Variants in ATP8A2 observed in about 807,000 individuals in gnomAD.
ATP8A2 encodes ATPase phospholipid transporting 8A2, also known as phospholipid-transporting ATPase IB.
ATP8A2 carries 100 observed loss-of-function variants against 165.6 expected under a neutral mutation model. That is an observed-to-expected ratio of 0.60 (90% CI 0.51 to 0.71). The LOEUF (loss-of-function observed/expected upper bound fraction) is 0.71. Ranked by LOEUF, ATP8A2 falls within the 30% of genes least tolerant of loss-of-function variation. The probability of loss-of-function intolerance (pLI) is 0.00; values close to 1 mark genes in which losing one functional copy is unlikely to be tolerated. For missense variants in ATP8A2, 1,227 were observed against 1,479.5 expected (o/e 0.83, Z 2.80); for synonymous variants, 543 against 548.8 (o/e 0.99, Z 0.15).
chr13:25,435,169 G>A (rs535802580), intron 1 of ATP8A2, among the ~76,000 whole-genome samples: 9 of 149,522 alleles, frequency 6.0e-5, no homozygotes, highest in African/African-American at 9.9e-5. Context: ...TGCCCAGGCC[G>A]GAGTGCAGTG....
At chr13:25,965,384 A>G (rs1025224919) in intron 34 of ATP8A2, among the ~76,000 whole-genome samples, 3 of 152,184 alleles carry the variant, frequency 2.0e-5, no homozygotes, top group African/African-American at 7.2e-5. Context: ...AGCTTTCTGG[A>G]TGAAGATCCA....
rs902193959 is a variant in ATP8A2, at chr13:25,838,602, G to A, written c.2878-944G>A. On this transcript the variant is annotated intron_variant, in intron 29 of 36. Transcript: ENST00000381655. The stretch of plus-strand genomic sequence containing the variant: ...TTTAAGTAGAGAGGTCAGAGATGGT[G>A]CAAAATGAACATTTAAAGCAGGGGA... Among the ~76,000 whole-genome samples, 15 of 151,432 alleles carry A rather than the reference G, an allele frequency of 9.9e-5. No homozygotes were observed. In the South Asian group the frequency reaches 2.9e-3, roughly 30 times the overall value.
intron 28 of ATP8A2, among the ~76,000 whole-genome samples, chr13:25,829,305 A>G (rs1316817145): frequency 6.6e-6 from 1 of 152,038 alleles, no homozygotes; most frequent in African/African-American, 2.4e-5. Context: ...CCTGATACTG[A>G]TGCCCTAAAA....
intron 27 of ATP8A2, among the ~76,000 whole-genome samples, chr13:25,812,112 T>C (rs949326530): frequency 1.3e-5 from 2 of 152,018 alleles, no homozygotes; most frequent in Admixed American, 6.6e-5. Flanking sequence ...TAATGTTCAT[T>C]GTAGGGCTAA....
intron 35 of ATP8A2, among the ~76,000 whole-genome samples, chr13:25,993,023 A>AT (rs545281704): frequency 6.6e-6 from 1 of 150,602 alleles, no homozygotes; most frequent in Non-Finnish European, 1.5e-5. Flanking sequence ...TGAACTCATC[A>AT]TTTTTTATGG....
At position 25,743,272 on chromosome 13, in the gene ATP8A2, C is replaced by T. The variant is rs761044854; in HGVS notation, c.2385-25774C>T. ...GAAGATGGCAGCAACCACCAGAGGCCGAAAGATGTCTGGAGCAGATTCTTT... is the reference window on the plus strand; with the variant it reads ...GAAGATGGCAGCAACCACCAGAGGCTGAAAGATGTCTGGAGCAGATTCTTT... On this transcript the variant is annotated intron_variant, in intron 25 of 36. Transcript: ENST00000381655. Among the ~76,000 whole-genome samples the T allele has an allele frequency of 2.6e-5, 4 of 151,896 alleles. No individual in the cohort carries two copies. In the East Asian group the frequency reaches 7.8e-4, roughly 30 times the overall value.
intron 24 of ATP8A2, among the ~76,000 whole-genome samples, chr13:25,646,106 A>G (rs59254884): frequency 0.034 from 5,244 of 152,210 alleles, 154 homozygotes; most frequent in East Asian, 0.13. Flanking sequence ...TGCTGGGTGC[A>G]TGTGTATTTA....
intron 24 of ATP8A2, among the ~76,000 whole-genome samples, chr13:25,651,312 G>A (rs61947304): frequency 0.039 from 5,898 of 152,042 alleles, 165 homozygotes; most frequent in Middle Eastern, 0.075. Flanking sequence ...TCGTGGTGGC[G>A]TATGCTTGTA....
intron 1 of ATP8A2, among the ~76,000 whole-genome samples, chr13:25,410,441 A>G (rs1391837495): frequency 6.6e-5 from 10 of 152,242 alleles, no homozygotes; most frequent in African/African-American, 2.2e-4. Context: ...ACTGGATTTT[A>G]AGTTATTTGA....
intron 2 of ATP8A2, among the ~76,000 whole-genome samples, chr13:25,497,510 A>G (rs1309167595): frequency 6.6e-6 from 1 of 152,256 alleles, no homozygotes; most frequent in Non-Finnish European, 1.5e-5. Flanking sequence ...ATGAATGCAC[A>G]TGAATGTTTA....
intron 25 of ATP8A2, among the ~76,000 whole-genome samples, chr13:25,736,482 G>A (rs995416309): frequency 1.3e-5 from 2 of 152,204 alleles, no homozygotes; most frequent in African/African-American, 4.8e-5. Flanking sequence ...TTTCAGAGGG[G>A]CCTGTGAGGT....
chr13:25,483,927 A>C (rs112869422), intron 2 of ATP8A2, among the ~76,000 whole-genome samples: 1,795 of 152,300 alleles, frequency 0.012, 37 homozygotes, highest in African/African-American at 0.041. Flanking sequence ...AACTCGGGGA[A>C]AAGGGAAGTG....
intron 33 of ATP8A2, among the ~76,000 whole-genome samples, chr13:25,933,604 G>A (rs1279548385): frequency 6.6e-6 from 1 of 152,238 alleles, no homozygotes; most frequent in African/African-American, 2.4e-5. Context: ...GGTGTAGCCA[G>A]TGGTTATGGG....
intron 1 of ATP8A2, among the ~76,000 whole-genome samples, chr13:25,416,671 C>T (rs17724654): frequency 0.053 from 8,144 of 152,270 alleles, 263 homozygotes; most frequent in East Asian, 0.11. Context: ...TGGAAAAATT[C>T]CAAAGCCCTC....
At chr13:25,405,041 G>A (rs950388662) in intron 1 of ATP8A2, among the ~76,000 whole-genome samples, 13 of 152,284 alleles carry the variant, frequency 8.5e-5, no homozygotes, top group East Asian at 5.8e-4. Flanking sequence ...AGGGATGGCC[G>A]AATTTCAAGT....
Position 25,828,021 on chromosome 13 carries a change from G to C in ATP8A2, c.2680-97G>C, listed in dbSNP as rs542296563. On this transcript the variant is annotated intron_variant, in intron 27 of 36. Transcript: ENST00000381655. The stretch of plus-strand genomic sequence containing the variant: ...TGGCTCATGATTCCTTAGCAGCTGT[G>C]TCCAGCTGGTGGTCCACATTCCCGC... 123 of 913,174 alleles carry C rather than the reference G, an allele frequency of 1.3e-4. No individual in the cohort carries two copies. The African/African-American group carries it at 1.8e-3, about 13-fold the overall frequency. The allele number at this position is 913,174 out of a possible 1,614,324, so 56.6% of individuals were successfully genotyped here. A position where few individuals can be genotyped will look rare whatever the true frequency, so the allele number is the denominator to read the frequency against.
intron 35 of ATP8A2, among the ~76,000 whole-genome samples, chr13:25,976,695 T>C (rs1275917683): frequency 6.6e-6 from 1 of 152,046 alleles, no homozygotes; most frequent in Non-Finnish European, 1.5e-5. Flanking sequence ...AGAGAAATCA[T>C]ACCCTCCCCC....
At chr13:25,990,257 ACT>A (rs2139286787) in intron 35 of ATP8A2, among the ~76,000 whole-genome samples, 1 of 112,638 alleles carries the variant, frequency 8.9e-6, no homozygotes, top group African/African-American at 3.7e-5. Flanking sequence ...CAAGCATGTA[ACT>A]GTAAAAAAAA....
chr13:25,929,738 G>C (rs924651117), intron 33 of ATP8A2, among the ~76,000 whole-genome samples: 1 of 152,016 alleles, frequency 6.6e-6, no homozygotes, highest in African/African-American at 2.4e-5. Flanking sequence ...CCTCGACAAT[G>C]GCTGGAGCCC....
Sources: gnomAD v4.1 joint callset for allele counts (sites outside exome capture counted in the v4.1 genomes callset) on GRCh38, gnomAD v4.1.1 for gene constraint, MANE v1.5 for transcripts, NCBI Gene and HGNC (gene_info 2026-07-23, HGNC 2026-07-21) for gene names.